Variants in UBE2QL1 observed in about 807,000 individuals in gnomAD.
UBE2QL1 encodes the protein ubiquitin conjugating enzyme E2 QL1.
In UBE2QL1, 5 loss-of-function variants were observed where a neutral mutation model predicts 12.6. That is an observed-to-expected ratio of 0.40 (90% CI 0.21 to 0.83). The LOEUF is 0.83. Among genes scored for constraint, UBE2QL1 ranks in the 40% least tolerant of loss-of-function variants. The probability of loss-of-function intolerance (pLI) is 0.37; values close to 1 mark genes in which losing one functional copy is unlikely to be tolerated. For synonymous variants in UBE2QL1, 96 were observed against 94.5 expected, an observed-to-expected ratio of 1.02 and a Z score of -0.10; for missense variants, 99 against 222.6, an observed-to-expected ratio of 0.44 and a Z score of 3.53.
At position 6,479,172 on chromosome 5, in the gene UBE2QL1, G is replaced by A. The variant is rs541206550; in HGVS notation, c.355-12046G>A. Among the ~76,000 whole-genome samples, 50 of 152,032 alleles carry A rather than the reference G, an allele frequency of 3.3e-4. No individual in the cohort carries two copies. The highest frequency in any genetic ancestry group is 5.6e-4 in the Non-Finnish European group (38 of 68,012). ...CTGAGTGAGCAGAGTCCCACCTGCC[G>A]GAACAAGAGGGCGAAAGTGAGAATT... On this transcript the variant is annotated intron_variant, in intron 1 of 1. Transcript: ENST00000399816. This position sits in a 1 kb window ranked among gnomAD's most constrained non-coding sequence, Gnocchi z 4.2.
At chr5:6,451,648 T>TA (rs1207028043) in intron 1 of UBE2QL1, among the ~76,000 whole-genome samples, 13 of 152,196 alleles carry the variant, frequency 8.5e-5, no homozygotes, top group African/African-American at 3.1e-4. Context: ...GCTTCCAACA[T>TA]ACAGCTGTCT....
intron 1 of UBE2QL1, among the ~76,000 whole-genome samples, chr5:6,472,681 AT>A (rs1476739038): frequency 6.6e-6 from 1 of 151,906 alleles, no homozygotes; most frequent in Non-Finnish European, 1.5e-5. Context: ...CCAGGTATTA[AT>A]TTTTTGTGCA....
At chr5:6,468,573 A>G (rs1164812623) in intron 1 of UBE2QL1, among the ~76,000 whole-genome samples, 3 of 152,130 alleles carry the variant, frequency 2.0e-5, no homozygotes, top group Non-Finnish European at 4.4e-5. Flanking sequence ...GATCATGGGG[A>G]ATCTTTTCAT....
Position 6,495,220 on chromosome 5 carries a change from T to A in UBE2QL1, c.*3871T>A, listed in dbSNP as rs1734646329. On this transcript the variant is annotated 3_prime_UTR_variant, in exon 2 of 2. Transcript: ENST00000399816. ...CAGAGTCCCTATTCATGGAGCTGAT[T>A]TCAGGAAGCAGGACACGGTCCCACC... Among the ~76,000 whole-genome samples the A allele has an allele frequency of 6.6e-6, 1 of 152,160 alleles. No homozygotes were observed. Among genetic ancestry groups the A allele is most frequent in the African/African-American group, 2.4e-5 (1 of 41,430 alleles).
intron 1 of UBE2QL1, among the ~76,000 whole-genome samples, chr5:6,466,140 G>A (rs1449716120): frequency 2.6e-5 from 4 of 152,048 alleles, no homozygotes; most frequent in South Asian, 4.2e-4. Flanking sequence ...CGGCAGCCAC[G>A]GCGATGCAGC....
intron 1 of UBE2QL1, 23 bp downstream of exon 1, chr5:6,449,270 G>A (rs1250008618): frequency 4.4e-6 from 6 of 1,356,810 alleles, no homozygotes; most frequent in Non-Finnish European, 3.8e-6. Context: ...CGCCGGGGCT[G>A]GGGGCGCGGG....
intron 1 of UBE2QL1, among the ~76,000 whole-genome samples, chr5:6,464,364 T>A (rs1297571064): frequency 6.6e-6 from 1 of 152,204 alleles, no homozygotes; most frequent in South Asian, 2.1e-4. Context: ...AAATTCAAGA[T>A]GACAAGATGT....
chr5:6,491,328 C>G lies in UBE2QL1; in HGVS notation c.465C>G (p.Thr155=). The G allele has an allele frequency of 6.4e-7, 1 of 1,551,236 alleles. No individual in the cohort carries two copies. The highest frequency in any genetic ancestry group is 8.7e-7 in the Non-Finnish European group (1 of 1,146,808). Residue 155 remains threonine (T), a synonymous_variant, in exon 2 of 2, where the codon ACC becomes ACG. Transcript: ENST00000399816. ...VKTHEKYGWV[T]PPVSDG ...CGCATGAAAAATATGGTTGGGTCAC[C>G]CCGCCCGTGTCCGACGGCTGATGTC...
rs540872860 is a variant in UBE2QL1, at chr5:6,477,720, C to T, written c.355-13498C>T. On this transcript the variant is annotated intron_variant, in intron 1 of 1. Coordinates refer to ENST00000399816, the MANE Select transcript of UBE2QL1 (RefSeq NM_001145161.3). ...TTGGGTGGCAGGGAGAGGCTGCAGGCGGGAATTTCAAGAGTTCCCCCATGT... is the reference window on the plus strand; with the variant it reads ...TTGGGTGGCAGGGAGAGGCTGCAGGTGGGAATTTCAAGAGTTCCCCCATGT... Among the ~76,000 whole-genome samples the T allele has an allele frequency of 8.5e-5, 13 of 152,238 alleles. No individual in the cohort carries two copies. The South Asian group carries it at 1.9e-3, about 22-fold the overall frequency.
At chr5:6,471,955 C>T (rs1739921149) in intron 1 of UBE2QL1, among the ~76,000 whole-genome samples, 1 of 152,030 alleles carries the variant, frequency 6.6e-6, no homozygotes, top group Admixed American at 6.5e-5. Flanking sequence ...AATGATATCC[C>T]ACCAGTCCAT....
chr5:6,494,148 C>G lies in UBE2QL1; in HGVS notation c.*2799C>G, dbSNP rs1235716613. ...CTCTTCTCAATGCAGAACTCCTTCC[C>G]GTCCAATAATTTTCCTGAACCAATC... On this transcript the variant is annotated 3_prime_UTR_variant, in exon 2 of 2. Coordinates refer to ENST00000399816, the MANE Select transcript of UBE2QL1 (RefSeq NM_001145161.3). The G allele has an allele frequency of 6.6e-6, 1 of 152,214 alleles. No homozygotes were observed. The highest frequency in any genetic ancestry group is 2.1e-4 in the South Asian group (1 of 4,818). 9.4% of individuals were successfully genotyped at this position (152,214 alleles called of 1,614,324 possible). A position where few individuals can be genotyped will look rare whatever the true frequency, so the allele number is the denominator to read the frequency against.
At chr5:6,488,610 A>C (rs1489619744) in intron 1 of UBE2QL1, among the ~76,000 whole-genome samples, 1 of 151,980 alleles carries the variant, frequency 6.6e-6, no homozygotes, top group Non-Finnish European at 1.5e-5. Flanking sequence ...CAGCCTGGGC[A>C]ACAAAACGAT....
intron 1 of UBE2QL1, among the ~76,000 whole-genome samples, chr5:6,462,693 C>G (rs1256101739): frequency 6.6e-6 from 1 of 152,184 alleles, no homozygotes; most frequent in African/African-American, 2.4e-5. Flanking sequence ...CCTCACTCAG[C>G]GTGCACTTAG....
intron 1 of UBE2QL1, among the ~76,000 whole-genome samples, chr5:6,490,177 G>C (rs1734541776): frequency 1.3e-5 from 2 of 152,192 alleles, no homozygotes; most frequent in African/African-American, 2.4e-5. Context: ...CGTTTCAGTT[G>C]ATCCACCATT....
At chr5:6,472,427 C>T (rs1739932790) in intron 1 of UBE2QL1, among the ~76,000 whole-genome samples, 1 of 152,150 alleles carries the variant, frequency 6.6e-6, no homozygotes, top group South Asian at 2.1e-4. Flanking sequence ...GGCCGATCGA[C>T]ACACTTCCCC....
chr5:6,453,371 T>C (rs1739447018), intron 1 of UBE2QL1, among the ~76,000 whole-genome samples: 3 of 152,220 alleles, frequency 2.0e-5, no homozygotes, highest in Admixed American at 1.3e-4. Flanking sequence ...GGCAGTCGTT[T>C]ATTAACTGTG....
In UBE2QL1 at chr5:6,476,344, G is replaced by A. The variant is rs1435618690; in HGVS notation, c.355-14874G>A. Among the ~76,000 whole-genome samples, 1 of 152,222 alleles carries A rather than the reference G, an allele frequency of 6.6e-6. No individual in the cohort carries two copies. Among genetic ancestry groups the A allele is most frequent in the Non-Finnish European group, 1.5e-5 (1 of 68,050 alleles). On this transcript the variant is annotated intron_variant, in intron 1 of 1. Coordinates refer to ENST00000399816, the MANE Select transcript of UBE2QL1 (RefSeq NM_001145161.3). The surrounding 1 kb of genome is among the most constrained non-coding windows in gnomAD (Gnocchi z 4.9). The stretch of plus-strand genomic sequence containing the variant: ...AAGCATGGTTCCAGCTTATTTTGAG[G>A]TGTTTGGTTGTTAAAAGTTTTTCAG...
rs939184167 is a variant in UBE2QL1 at position 6,479,919 on chromosome 5, G to A, written c.355-11299G>A. Among the ~76,000 whole-genome samples, 1 of 152,180 alleles carries A rather than the reference G, an allele frequency of 6.6e-6. No homozygotes were observed. The highest frequency in any genetic ancestry group is 1.5e-5 in the Non-Finnish European group (1 of 68,024). On this transcript the variant is annotated intron_variant, in intron 1 of 1. Coordinates refer to ENST00000399816, the MANE Select transcript of UBE2QL1 (RefSeq NM_001145161.3). This position sits in a 1 kb window ranked among gnomAD's most constrained non-coding sequence, Gnocchi z 4.2. The stretch of plus-strand genomic sequence containing the variant: ...TGTACGTAGTAAAGGTAGACTCAGG[G>A]CCCTGATCATCTCGGGGCTTACATA...
chr5:6,482,380 G>A (rs1734380205), intron 1 of UBE2QL1, among the ~76,000 whole-genome samples: 1 of 152,090 alleles, frequency 6.6e-6, no homozygotes, highest in South Asian at 2.1e-4. Flanking sequence ...CCACCCCCCA[G>A]CAAGCTCTGA....
Sources: allele counts gnomAD v4.1 joint callset (sites outside exome capture counted in the v4.1 genomes callset), GRCh38; gene constraint gnomAD v4.1.1; non-coding constraint Gnocchi (gnomAD v3.1); transcripts MANE v1.5; gene names NCBI Gene and HGNC (gene_info 2026-07-23, HGNC 2026-07-21).